Variants in MEOX2 observed in about 807,000 individuals in gnomAD.
The protein encoded by MEOX2 is homeobox protein MOX-2.
MEOX2 carries 11 observed loss-of-function variants against 27.0 expected under a neutral mutation model. The ratio of observed to expected loss-of-function variants is 0.41; its 90% CI spans 0.26 to 0.68. MEOX2 has a LOEUF of 0.68. Among genes scored for constraint, MEOX2 ranks in the 30% least tolerant of loss-of-function variants. MEOX2 has a pLI of 0.33. For synonymous variants in MEOX2, 189 were observed against 155.4 expected (o/e 1.22, Z -1.61); for missense variants, 436 against 385.4 (o/e 1.13, Z -1.10).
intron 1 of MEOX2, among the ~76,000 whole-genome samples, chr7:15,671,146 C>T (rs1009689662): frequency 2.0e-5 from 3 of 152,084 alleles, no homozygotes; most frequent in Admixed American, 1.3e-4. Flanking sequence ...TAAATGCCAG[C>T]TCCATTCTAG....
At chr7:15,633,638 G>A (rs985365539) in intron 1 of MEOX2, among the ~76,000 whole-genome samples, 13 of 151,910 alleles carry the variant, frequency 8.6e-5, no homozygotes, top group African/African-American at 3.1e-4. Context: ...TTCTCAGAGT[G>A]TAAGGACTAG....
chr7:15,673,805 G>A (rs948341742), intron 1 of MEOX2, among the ~76,000 whole-genome samples: 2 of 152,108 alleles, frequency 1.3e-5, no homozygotes, highest in Admixed American at 6.6e-5. Flanking sequence ...ACTAAGAGAT[G>A]TGGAAAATCC....
intron 1 of MEOX2, among the ~76,000 whole-genome samples, chr7:15,682,590 G>T (rs1782311362): frequency 1.3e-5 from 2 of 151,480 alleles, no homozygotes; most frequent in African/African-American, 2.4e-5. Flanking sequence ...TCATAAATTT[G>T]AATAGAAAAT....
chr7:15,682,076 A>G (rs948968629), intron 1 of MEOX2: 1 of 151,826 alleles, frequency 6.6e-6, no homozygotes, highest in Non-Finnish European at 1.5e-5. Flanking sequence ...ATGTCAGATT[A>G]CCATTTTTAA....
chr7:15,680,912 G>A (rs888143548), intron 1 of MEOX2: 12 of 151,338 alleles, frequency 7.9e-5, no homozygotes, highest in African/African-American at 2.9e-4. Flanking sequence ...CTATAAGCCA[G>A]GAAATACAAT....
intron 1 of MEOX2, among the ~76,000 whole-genome samples, chr7:15,635,518 A>T (rs375378225): frequency 1.3e-5 from 2 of 152,150 alleles, no homozygotes; most frequent in South Asian, 2.1e-4. Flanking sequence ...AAGAGGGTTA[A>T]ATTAAGCAAA....
intron 1 of MEOX2, among the ~76,000 whole-genome samples, chr7:15,656,052 G>C (rs1433191461): frequency 2.0e-5 from 3 of 151,498 alleles, no homozygotes; most frequent in Admixed American, 6.6e-5. Flanking sequence ...TATACATTTA[G>C]GATACCTACA....
Position 15,686,442 on chromosome 7 carries a change from C to G in MEOX2, c.-40G>C. 6.6e-7 allele frequency: 1 copy of G among 1,522,346 alleles called. No homozygotes were observed. Among genetic ancestry groups the G allele is most frequent in the Admixed American group, 2.1e-5 (1 of 47,816 alleles). The allele number at this position is 1,522,346 out of a possible 1,614,324, so 94.3% of individuals were successfully genotyped here. A position where few individuals can be genotyped will look rare whatever the true frequency, so the allele number is the denominator to read the frequency against. ...GGGTTCCAGGCAGAAGACTTCACGG[C>G]GGTTCCAAAGGCCACCACCCTCTGT... On this transcript the variant is annotated 5_prime_UTR_variant, in exon 1 of 3. Transcript: ENST00000262041.
At chr7:15,679,428 A>G (rs564864461) in intron 1 of MEOX2, 4 of 152,278 alleles carry the variant, frequency 2.6e-5, no homozygotes, top group African/African-American at 4.8e-5. Flanking sequence ...TTTAAGAAAC[A>G]TACGTCTAAC....
At chr7:15,678,311 T>C (rs538824883) in intron 1 of MEOX2, among the ~76,000 whole-genome samples, 3 of 152,338 alleles carry the variant, frequency 2.0e-5, no homozygotes, top group African/African-American at 7.2e-5. Flanking sequence ...TTCCAACCTA[T>C]GCAGTGAGTG....
At chr7:15,658,054 A>G (rs557169511) in intron 1 of MEOX2, among the ~76,000 whole-genome samples, 1 of 152,330 alleles carries the variant, frequency 6.6e-6, no homozygotes, top group East Asian at 1.9e-4. Context: ...GCTGGCAAGG[A>G]TAAGACTAAC....
intron 1 of MEOX2, among the ~76,000 whole-genome samples, chr7:15,634,019 C>G (rs1401903328): frequency 6.6e-6 from 1 of 151,874 alleles, no homozygotes; most frequent in South Asian, 2.1e-4. Context: ...TTACACATAT[C>G]TCGTGTAACT....
At chr7:15,643,302 A>G (rs1189846330) in intron 1 of MEOX2, among the ~76,000 whole-genome samples, 1 of 152,004 alleles carries the variant, frequency 6.6e-6, no homozygotes, top group South Asian at 2.1e-4. Context: ...TATGTTCTGC[A>G]CTCTGCTGCC....
chr7:15,612,525 C>G lies in MEOX2; in HGVS notation c.777G>C (p.Leu259=). 2 of 1,614,154 alleles carry G rather than the reference C, an allele frequency of 1.2e-6. No homozygotes were observed. The highest frequency in any genetic ancestry group is 1.7e-6 in the Non-Finnish European group (2 of 1,180,028). ...QQGAAAREKE[L]VNVKKGTLLP... ...GAAGTGTTCCCTTTTTCACATTCAC[C>G]AGTTCCTTTTCCCGAGCCGCAGCTC... The change falls in exon 3 of 3, where the codon CTG becomes CTC. Residue 259 remains leucine (L), a synonymous_variant. Transcript: ENST00000262041.
chr7:15,638,999 G>A (rs6945762), intron 1 of MEOX2, among the ~76,000 whole-genome samples: 129,746 of 152,124 alleles, frequency 0.85, 55,943 homozygotes, highest in African/African-American at 0.96. Context: ...GTAGATACCC[G>A]GTAGTGGAAT....
At chr7:15,640,192 C>T (rs1267511712) in intron 1 of MEOX2, among the ~76,000 whole-genome samples, 1 of 151,444 alleles carries the variant, frequency 6.6e-6, no homozygotes, top group African/African-American at 2.4e-5. Flanking sequence ...ATTCTTTCAC[C>T]TCCTTAGTTA....
intron 1 of MEOX2, among the ~76,000 whole-genome samples, chr7:15,652,459 G>A (rs1471185097): frequency 6.6e-6 from 1 of 151,958 alleles, no homozygotes; most frequent in African/African-American, 2.4e-5. Flanking sequence ...CATTTTGAAA[G>A]CAGCAATAAC....
chr7:15,628,682 A>T (rs118095880), intron 1 of MEOX2, among the ~76,000 whole-genome samples: 205 of 152,232 alleles, frequency 1.3e-3, no homozygotes, highest in Admixed American at 2.2e-3. Context: ...CAGGTAGGCC[A>T]TGTTTACATG....
chr7:15,641,258 T>C (rs908802470), intron 1 of MEOX2, among the ~76,000 whole-genome samples: 8 of 152,226 alleles, frequency 5.3e-5, no homozygotes, highest in Non-Finnish European at 1.2e-4. Flanking sequence ...GGAGATTGTA[T>C]GTTTCAGAAA....
Sources: allele counts gnomAD v4.1 joint callset (sites outside exome capture counted in the v4.1 genomes callset), GRCh38; gene constraint gnomAD v4.1.1; transcripts MANE v1.5; gene names NCBI Gene and HGNC (gene_info 2026-07-23, HGNC 2026-07-21).